FLVCR2: variants seen among roughly 807,000 people sequenced by gnomAD.
FLVCR2 encodes choline/ethanolamine transporter FLVCR2.
Under a neutral mutation model 48.9 loss-of-function variants are expected in FLVCR2, and 38 were observed. That is an observed-to-expected ratio of 0.78 (90% CI 0.60 to 1.02). The LOEUF is 1.02. Among genes scored for constraint, FLVCR2 ranks in the 50% least tolerant of loss-of-function variants. The pLI is 0.00. For missense variants in FLVCR2, 664 were observed against 663.3 expected (o/e 1.00, Z -0.01); for synonymous variants, 255 against 257.0 (o/e 0.99, Z 0.07).
rs796884229 is a variant in FLVCR2 at position 75,578,867 on chromosome 14, A to G, written c.-106A>G. ...AGCCTCTAGTCTCTGTTTCTTCTGG[A>G]ATAGGCAAGTGTCCTTTCAACTCTA... On this transcript the variant is annotated 5_prime_UTR_variant, in exon 1 of 10. Transcript: ENST00000238667. The G allele has an allele frequency of 8.3e-5, 86 of 1,041,516 alleles. 1 individual carries two copies. In the African/African-American group the frequency reaches 1.2e-3, roughly 15 times the overall value. 64.5% of individuals were successfully genotyped at this position (1,041,516 alleles called of 1,614,324 possible).
chr14:75,616,635 G>A (rs974393220), intron 1 of FLVCR2, among the ~76,000 whole-genome samples: 3 of 152,220 alleles, frequency 2.0e-5, no homozygotes, highest in Non-Finnish European at 4.4e-5. Flanking sequence ...CCAGGGGAGA[G>A]GAATGAGCCA....
At chr14:75,642,059 A>G (rs866124938) in intron 9 of FLVCR2, 161 bp downstream of exon 9, 73 of 677,888 alleles carry the variant, frequency 1.1e-4, no homozygotes, top group Admixed American at 5.0e-4. Flanking sequence ...GACTTTCCTC[A>G]GTGGGCATCT....
At chr14:75,600,730 A>G (rs1264078628) in intron 1 of FLVCR2, among the ~76,000 whole-genome samples, 1 of 152,222 alleles carries the variant, frequency 6.6e-6, no homozygotes, top group Non-Finnish European at 1.5e-5. Context: ...AAATTAAACT[A>G]CATCAATGTA....
In FLVCR2 at chr14:75,579,569, C is replaced by T. The variant is rs1031282679; in HGVS notation, c.597C>T (p.Ser199=). The change falls in exon 1 of 10, where the codon TCC becomes TCT. Residue 199 remains serine, a synonymous_variant. Coordinates refer to ENST00000238667, the MANE Select transcript of FLVCR2 (RefSeq NM_017791.3). The part of the protein sequence containing the change: ...VAQVFILGMP[S]RIASVWFGAN... The stretch of plus-strand genomic sequence containing the variant: ...AGGTTTTCATCCTGGGCATGCCCTC[C>T]CGCATCGCTTCCGTCTGGTTCGGGG... 1 of 1,614,092 alleles carries T rather than the reference C, an allele frequency of 6.2e-7. No homozygotes were observed. Among genetic ancestry groups the T allele is most frequent in the African/African-American group, 1.3e-5 (1 of 75,060 alleles).
rs947582945 is a variant in FLVCR2 at position 75,626,747 on chromosome 14, C to T, written c.952+1995C>T. 6.6e-5 allele frequency among the ~76,000 whole-genome samples: 10 copies of T among 151,914 alleles called. No homozygotes were observed. The South Asian group carries it at 2.1e-3, about 31-fold the overall frequency. The stretch of plus-strand genomic sequence containing the variant: ...AAAGATGGATAGTGAAACCAGATGG[C>T]CTTTGGGGGCCCTTCTAGACTCAGG... On this transcript the variant is annotated intron_variant, in intron 3 of 9. Coordinates refer to ENST00000238667, the MANE Select transcript of FLVCR2 (RefSeq NM_017791.3).
chr14:75,623,107 G>A (rs113186904), intron 2 of FLVCR2, among the ~76,000 whole-genome samples: 4,706 of 152,106 alleles, frequency 0.031, 122 homozygotes, highest in Non-Finnish European at 0.045. Flanking sequence ...TCAGTCTCTC[G>A]AGTAGCTGAG....
At chr14:75,617,949 G>A (rs111809950) in intron 1 of FLVCR2, among the ~76,000 whole-genome samples, 4 of 152,208 alleles carry the variant, frequency 2.6e-5, no homozygotes, top group Admixed American at 1.3e-4. Context: ...TTCTAGTCCA[G>A]GTAGAGGAGC....
intron 1 of FLVCR2, among the ~76,000 whole-genome samples, chr14:75,600,462 T>A (rs951848538): frequency 6.6e-6 from 1 of 152,222 alleles, no homozygotes; most frequent in African/African-American, 2.4e-5. Context: ...AAACTTGCTT[T>A]CACTTTATGG....
intron 9 of FLVCR2, among the ~76,000 whole-genome samples, chr14:75,644,950 A>G (rs968108184): frequency 6.6e-6 from 1 of 152,122 alleles, no homozygotes; most frequent in Admixed American, 6.5e-5. Flanking sequence ...GCACATAGAC[A>G]GTAGTTGCAC....
chr14:75,598,281 G>A (rs2075140), intron 1 of FLVCR2, among the ~76,000 whole-genome samples: 29,711 of 152,106 alleles, frequency 0.2, 3,341 homozygotes, highest in East Asian at 0.57. Flanking sequence ...TACTGAAAAC[G>A]TCCTGAAAAC....
chr14:75,625,016 C>T (rs1211949571), intron 3 of FLVCR2, among the ~76,000 whole-genome samples: 2 of 149,636 alleles, frequency 1.3e-5, no homozygotes, highest in African/African-American at 5.1e-5. Context: ...TTTTGTAAAG[C>T]AGTAGTAGGT....
At chr14:75,606,267 T>C (rs967171400) in intron 1 of FLVCR2, among the ~76,000 whole-genome samples, 1 of 152,194 alleles carries the variant, frequency 6.6e-6, no homozygotes, top group African/African-American at 2.4e-5. Flanking sequence ...GCTCAAGTGA[T>C]CTGCCTTCCT....
intron 3 of FLVCR2, among the ~76,000 whole-genome samples, chr14:75,628,465 C>T (rs1489700508): frequency 6.6e-6 from 1 of 152,234 alleles, no homozygotes; most frequent in Non-Finnish European, 1.5e-5. Flanking sequence ...AATCCCCTTG[C>T]AGTTTCAGAT....
intron 1 of FLVCR2, among the ~76,000 whole-genome samples, chr14:75,608,918 C>A (rs960356368): frequency 9.2e-5 from 14 of 152,190 alleles, no homozygotes; most frequent in Admixed American, 3.3e-4. Flanking sequence ...GCTATCACAT[C>A]TTTGTCTCTG....
intron 3 of FLVCR2, chr14:75,632,529 T>A (rs765209843): frequency 1.5e-5 from 10 of 670,770 alleles, no homozygotes; most frequent in Non-Finnish European, 2.7e-5. Flanking sequence ...CCAGGGTGGT[T>A]GCCATACCCA....
In FLVCR2 at chr14:75,647,679, CT is replaced by C. The variant is rs1157194356; in HGVS notation, c.*1208del. 6.5e-6 allele frequency: 1 copy of C among 152,674 alleles called. No individual in the cohort carries two copies. The highest frequency in any genetic ancestry group is 2.4e-5 in the African/African-American group (1 of 41,454). 9.5% of individuals were successfully genotyped at this position (152,674 alleles called of 1,614,324 possible). On this transcript the variant is annotated 3_prime_UTR_variant, in exon 10 of 10. Coordinates refer to ENST00000238667, the MANE Select transcript of FLVCR2 (RefSeq NM_017791.3). Reference sequence around the variant, plus strand: ...CTTTCCTATCTAGCCTGCTGTTTGGCTGTACTCATGGGCTTTGGTAATATCT... The same window carrying C: ...CTTTCCTATCTAGCCTGCTGTTTGGCGTACTCATGGGCTTTGGTAATATCT...
intron 5 of FLVCR2, among the ~76,000 whole-genome samples, chr14:75,636,482 G>A (rs1251786711): frequency 3.3e-5 from 5 of 152,190 alleles, no homozygotes; most frequent in South Asian, 4.1e-4. Flanking sequence ...CTTGCTCTGC[G>A]GCAGGAGGAG....
At chr14:75,619,650 T>A (rs976604342) in intron 1 of FLVCR2, among the ~76,000 whole-genome samples, 8 of 152,208 alleles carry the variant, frequency 5.3e-5, no homozygotes, top group African/African-American at 1.9e-4. Flanking sequence ...CTAATCCTGA[T>A]GTTTTGGTTT....
In FLVCR2 at chr14:75,639,432, G is replaced by A. The variant is rs747028559; in HGVS notation, c.1205G>A (p.Trp402Ter). ...YTFTLNLGHL[W>*]VVFITAGTMG... ...TTTACCTTGAACCTGGGACACCTGTGGGTAGTGTTCATCACTGCTGGCACA... is the reference window on the plus strand; with the variant it reads ...TTTACCTTGAACCTGGGACACCTGTAGGTAGTGTTCATCACTGCTGGCACA... The change falls in exon 6 of 10, where the codon TGG becomes TAG. Residue 402 changes from tryptophan (W) to a stop codon, truncating the protein, a stop_gained. Transcript: ENST00000238667. LOFTEE classifies it high-confidence loss of function. 15 of 1,613,712 alleles carry A rather than the reference G, an allele frequency of 9.3e-6. No homozygotes were observed. The highest frequency in any genetic ancestry group is 1.3e-5 in the Non-Finnish European group (15 of 1,179,592).
Sources: allele counts gnomAD v4.1 joint callset (sites outside exome capture counted in the v4.1 genomes callset), GRCh38; gene constraint gnomAD v4.1.1; transcripts MANE v1.5; gene names NCBI Gene and HGNC (gene_info 2026-07-23, HGNC 2026-07-21).